MAGI2: variants seen among roughly 807,000 people sequenced by gnomAD.
The protein encoded by MAGI2 is membrane-associated guanylate kinase, WW and PDZ domain-containing protein 2.
MAGI2 carries 35 observed loss-of-function variants against 133.3 expected under a neutral mutation model. That is an observed-to-expected ratio of 0.26 (90% CI 0.20 to 0.35). The LOEUF (loss-of-function observed/expected upper bound fraction) is 0.35. Ranked by LOEUF, MAGI2 falls within the 10% of genes least tolerant of loss-of-function variation. MAGI2 has a pLI of 1.00. For synonymous variants in MAGI2, 729 were observed against 710.6 expected (o/e 1.03, Z -0.41); for missense variants, 1,636 against 1,863.4 (o/e 0.88, Z 2.25).
intron 6 of MAGI2, among the ~76,000 whole-genome samples, chr7:78,435,678 C>T (rs535754416): frequency 2.0e-5 from 3 of 152,082 alleles, no homozygotes; most frequent in East Asian, 1.9e-4. Flanking sequence ...CAGAGAATCC[C>T]GAGAAAGGCT....
intron 2 of MAGI2, among the ~76,000 whole-genome samples, chr7:79,006,440 T>C (rs950155821): frequency 2.0e-5 from 3 of 152,128 alleles, no homozygotes; most frequent in African/African-American, 7.2e-5. Context: ...TTAAAGTTAA[T>C]AGAGGATTTT....
chr7:79,030,490 C>T (rs1294472574), intron 1 of MAGI2: 5 of 152,158 alleles, frequency 3.3e-5, no homozygotes, highest in African/African-American at 9.7e-5. Context: ...ACCACAGGGA[C>T]GTAGTTCTCC....
chr7:78,165,146 C>T (rs1296297055), intron 15 of MAGI2, among the ~76,000 whole-genome samples: 6 of 152,162 alleles, frequency 3.9e-5, no homozygotes, highest in African/African-American at 1.4e-4. Context: ...TCTTCCTTTA[C>T]TCAACAACTT....
intron 2 of MAGI2, among the ~76,000 whole-genome samples, chr7:78,939,244 T>A (rs546210088): frequency 6.6e-6 from 1 of 152,286 alleles, no homozygotes; most frequent in South Asian, 2.1e-4. Flanking sequence ...TCTGCCTGCC[T>A]TGGCCTCCCA....
intron 6 of MAGI2, among the ~76,000 whole-genome samples, chr7:78,411,898 C>T (rs1562959804): frequency 1.3e-5 from 2 of 151,942 alleles, no homozygotes; most frequent in East Asian, 3.9e-4. Flanking sequence ...CCATTTTGGA[C>T]ATTATAATGA....
At chr7:78,132,793 GTC>G (rs559011071) in intron 18 of MAGI2, 94 bp downstream of exon 18, 16 of 1,545,882 alleles carry the variant, frequency 1.0e-5, no homozygotes, top group Admixed American at 5.5e-5. Context: ...CTTTATAAAA[GTC>G]TCTCTCTCTG....
intron 1 of MAGI2, among the ~76,000 whole-genome samples, chr7:79,429,075 A>T (rs968827668): frequency 6.6e-6 from 1 of 152,100 alleles, no homozygotes; most frequent in Non-Finnish European, 1.5e-5. Context: ...CCCTGAAACC[A>T]AGCCCATATC....
In MAGI2 at chr7:78,045,149, G is replaced by C. The variant is rs147680826; in HGVS notation, c.3707-25173C>G. Among the ~76,000 whole-genome samples, 254 of 152,294 alleles carry C rather than the reference G, an allele frequency of 1.7e-3. 1 individual carries two copies. Among genetic ancestry groups the C allele is most frequent in the African/African-American group, 5.9e-3 (244 of 41,560 alleles). The stretch of plus-strand genomic sequence containing the variant: ...ACCACTGAACTCTAGCCTGGCGATA[G>C]AGCGAGACTTGGTCTCAAAAAATAA... On this transcript the variant is annotated intron_variant, in intron 21 of 21. Coordinates refer to ENST00000354212, the MANE Select transcript of MAGI2 (RefSeq NM_012301.4).
At chr7:79,201,851 T>C (rs1828643445) in intron 1 of MAGI2, among the ~76,000 whole-genome samples, 1 of 152,080 alleles carries the variant, frequency 6.6e-6, no homozygotes, top group African/African-American at 2.4e-5. Flanking sequence ...TAAATTTTTA[T>C]TTATATGGAA....
At chr7:78,744,367 C>G (rs541392589) in intron 2 of MAGI2, among the ~76,000 whole-genome samples, 2 of 152,206 alleles carry the variant, frequency 1.3e-5, no homozygotes, top group African/African-American at 4.8e-5. Context: ...ACCTCACTGG[C>G]TAATTTCTGT....
At chr7:78,256,778 TG>T (rs1316284536) in intron 9 of MAGI2, among the ~76,000 whole-genome samples, 197 bp from the exon 10 acceptor site, 1 of 152,206 alleles carries the variant, frequency 6.6e-6, no homozygotes, top group African/African-American at 2.4e-5. Context: ...GATGAAGTGC[TG>T]AAAAAAAGCT....
In MAGI2 at chr7:78,295,623, T is replaced by G. The variant is rs369623414; in HGVS notation, c.1409-39042A>C. ...GACTGTTCAGTGTGAGCAACTACACTAGCAATTGCTAGTCCCTTGTTCTGT... is the reference window on the plus strand; with the variant it reads ...GACTGTTCAGTGTGAGCAACTACACGAGCAATTGCTAGTCCCTTGTTCTGT... On this transcript the variant is annotated intron_variant, in intron 9 of 21. Coordinates refer to ENST00000354212, the MANE Select transcript of MAGI2 (RefSeq NM_012301.4). 1.6e-4 allele frequency among the ~76,000 whole-genome samples: 24 copies of G among 152,298 alleles called. No homozygotes were observed. In the East Asian group the frequency reaches 3.9e-3, roughly 25 times the overall value.
chr7:79,045,787 A>G (rs927441210), intron 1 of MAGI2, among the ~76,000 whole-genome samples: 1 of 152,120 alleles, frequency 6.6e-6, no homozygotes, highest in Non-Finnish European at 1.5e-5. Flanking sequence ...GCAAGACTCC[A>G]TCCCCCAAAA....
intron 20 of MAGI2, among the ~76,000 whole-genome samples, chr7:78,079,906 G>T (rs1412383362): frequency 6.6e-6 from 1 of 152,118 alleles, no homozygotes; most frequent in Non-Finnish European, 1.5e-5. Flanking sequence ...TTACTGTCAG[G>T]AACCCTTGAA....
intron 6 of MAGI2, among the ~76,000 whole-genome samples, chr7:78,437,044 G>A (rs1214622761): frequency 1.3e-5 from 2 of 152,100 alleles, no homozygotes; most frequent in Admixed American, 6.6e-5. Context: ...ACTTGAGAAA[G>A]GTTCAGACTG....
At chr7:78,178,433 A>C (rs562853850) in intron 13 of MAGI2, among the ~76,000 whole-genome samples, 5 of 152,170 alleles carry the variant, frequency 3.3e-5, no homozygotes, top group Non-Finnish European at 7.3e-5. Context: ...TCAAGAAGCT[A>C]GACTGTCACT....
intron 20 of MAGI2, among the ~76,000 whole-genome samples, chr7:78,112,502 C>G (rs1819454427): frequency 6.6e-6 from 1 of 152,210 alleles, no homozygotes; most frequent in Non-Finnish European, 1.5e-5. Flanking sequence ...ATAAAAAAAG[C>G]TGACTGCGAG....
At chr7:79,310,948 GCA>G (rs34744101) in intron 1 of MAGI2, among the ~76,000 whole-genome samples, 91,115 of 149,844 alleles carry the variant, frequency 0.61, 29,212 homozygotes, top group Non-Finnish European at 0.71. Flanking sequence ...ACACACACAT[GCA>G]CACACACACA....
chr7:79,107,903 A>T (rs1025159061), intron 1 of MAGI2, among the ~76,000 whole-genome samples: 1 of 152,234 alleles, frequency 6.6e-6, no homozygotes, highest in Non-Finnish European at 1.5e-5. Context: ...TTACATTTGT[A>T]GTATATACCC....
Sources: allele counts gnomAD v4.1 joint callset (sites outside exome capture counted in the v4.1 genomes callset), GRCh38; gene constraint gnomAD v4.1.1; transcripts MANE v1.5; gene names NCBI Gene and HGNC (gene_info 2026-07-23, HGNC 2026-07-21).